ZBTB37: variants seen among roughly 807,000 people sequenced by gnomAD.
ZBTB37 encodes zinc finger and BTB domain containing 37, also known as zinc finger and BTB domain-containing protein 37.
In ZBTB37, 15 loss-of-function variants were observed where a neutral mutation model predicts 37.7. That is an observed-to-expected ratio of 0.40 (90% CI 0.27 to 0.61). The LOEUF (loss-of-function observed/expected upper bound fraction) is 0.61, where lower values mean the gene tolerates loss of function less well. Among genes scored for constraint, ZBTB37 ranks in the 20% least tolerant of loss-of-function variants. The probability of loss-of-function intolerance (pLI) is 0.44; values close to 1 mark genes in which losing one functional copy is unlikely to be tolerated. For missense variants in ZBTB37, 514 were observed against 641.9 expected (o/e 0.80, Z 2.15); for synonymous variants, 231 against 220.6 (o/e 1.05, Z -0.42).
At chr1:173,900,796 T>G (rs1196135350) in exon 4 of ZBTB37, 1 of 152,230 alleles carries the variant, frequency 6.6e-6, no homozygotes, top group Non-Finnish European at 1.5e-5. Context: ...TCCTATGCCT[T>G]AGAAAATTTG....
At chr1:173,886,215 T>C in exon 5 of ZBTB37, 2 of 1,458,996 alleles carry the variant, frequency 1.4e-6, no homozygotes, top group Non-Finnish European at 1.8e-6. Flanking sequence ...ATTCACAAAA[T>C]GCCACATCAC....
chr1:173,883,897 C>T (rs995571581), intron 4 of ZBTB37, among the ~76,000 whole-genome samples: 14 of 152,188 alleles, frequency 9.2e-5, no homozygotes, highest in South Asian at 6.2e-4. Flanking sequence ...GAAAAAGTAC[C>T]GGCACAATAT....
chr1:173,869,817 CAGAGA>C (rs1349493761), intron 2 of ZBTB37, among the ~76,000 whole-genome samples: 1 of 152,184 alleles, frequency 6.6e-6, no homozygotes, highest in Admixed American at 6.5e-5. Flanking sequence ...TTTCCTCCTC[CAGAGA>C]AAAGTTGTAA....
chr1:173,878,126 C>T (rs1656087057), intron 4 of ZBTB37, among the ~76,000 whole-genome samples: 1 of 152,216 alleles, frequency 6.6e-6, no homozygotes, highest in South Asian at 2.1e-4. Context: ...CATTTCTTTT[C>T]AGGTGTCTGG....
intron 4 of ZBTB37, among the ~76,000 whole-genome samples, chr1:173,875,832 T>C (rs561674412): frequency 6.6e-6 from 1 of 151,976 alleles, no homozygotes; most frequent in Admixed American, 6.5e-5. Context: ...TTTTTTTGTG[T>C]GTTTTTAGTG....
chr1:173,870,144 C>G (rs1477221397), intron 2 of ZBTB37, 56 bp from the exon 3 acceptor site: 3 of 1,229,486 alleles, frequency 2.4e-6, no homozygotes, highest in Non-Finnish European at 3.3e-6. Context: ...AAATGGAAAC[C>G]ATCCGGGAAG....
chr1:173,893,748 T>C (rs562132918), exon 4 of ZBTB37: 4 of 152,352 alleles, frequency 2.6e-5, no homozygotes, highest in South Asian at 2.1e-4. Flanking sequence ...CTAATCCTTA[T>C]GACAATCCCA....
intron 4 of ZBTB37, among the ~76,000 whole-genome samples, chr1:173,882,675 T>C (rs538485075): frequency 1.6e-4 from 24 of 152,324 alleles, no homozygotes; most frequent in African/African-American, 5.8e-4. Flanking sequence ...CTGAATGGTA[T>C]TGCCTAGGTT....
At chr1:173,886,091 C>G in exon 5 of ZBTB37, 6 of 1,551,512 alleles carry the variant, frequency 3.9e-6, no homozygotes, top group Non-Finnish European at 5.2e-6. Flanking sequence ...GGGAAGCTGT[C>G]CAGGGCTCTG....
intron 4 of ZBTB37, among the ~76,000 whole-genome samples, chr1:173,884,756 T>C (rs1263451084): frequency 2.0e-5 from 3 of 152,272 alleles, no homozygotes; most frequent in African/African-American, 7.2e-5. Context: ...CTATACTATC[T>C]GATATAGTAA....
intron 4 of ZBTB37, among the ~76,000 whole-genome samples, chr1:173,882,335 A>G (rs1212006721): frequency 2.2e-5 from 3 of 136,514 alleles, no homozygotes; most frequent in African/African-American, 5.6e-5. Context: ...TCTGCCTCCC[A>G]GGTTCACGCC....
chr1:173,889,852 A>T (rs1293707501), downstream of ZBTB37: 1 of 152,240 alleles, frequency 6.6e-6, no homozygotes, highest in Non-Finnish European at 1.5e-5. Flanking sequence ...GAGAGCAGTT[A>T]AGGAAAATTT....
exon 4 of ZBTB37, chr1:173,900,014 A>G (rs900125227): frequency 1.3e-5 from 2 of 152,246 alleles, no homozygotes; most frequent in African/African-American, 2.4e-5. Flanking sequence ...AGATTTCTCA[A>G]CTAGCTGAAA....
At chr1:173,896,250 T>G (rs1275106276) in exon 4 of ZBTB37, 1 of 152,226 alleles carries the variant, frequency 6.6e-6, no homozygotes, top group African/African-American at 2.4e-5. Context: ...CAGTTCATTC[T>G]TAACATGTTA....
intron 4 of ZBTB37, among the ~76,000 whole-genome samples, chr1:173,880,288 T>A (rs1038038682): frequency 2.6e-5 from 4 of 152,198 alleles, no homozygotes; most frequent in Non-Finnish European, 1.5e-5. Flanking sequence ...AGGGAGTTAT[T>A]TAGTTACTTG....
intron 4 of ZBTB37, among the ~76,000 whole-genome samples, chr1:173,883,892 A>G (rs1656472049): frequency 6.6e-6 from 1 of 152,188 alleles, no homozygotes; most frequent in Admixed American, 6.6e-5. Context: ...TAGGGGAAAA[A>G]GTACCGGCAC....
intron 4 of ZBTB37, among the ~76,000 whole-genome samples, chr1:173,880,869 T>A (rs1387005658): frequency 6.6e-6 from 1 of 152,224 alleles, no homozygotes; most frequent in East Asian, 1.9e-4. Context: ...TTATCACTGA[T>A]TACTAAAATG....
chr1:173,876,580 A>C (rs948900625), intron 4 of ZBTB37, among the ~76,000 whole-genome samples: 5 of 152,198 alleles, frequency 3.3e-5, no homozygotes, highest in Admixed American at 6.5e-5. Flanking sequence ...AGCCTCCCGA[A>C]GTGCTGGGAT....
At position 173,876,564 on chromosome 1, in the gene ZBTB37, C is replaced by T. The variant is rs181678178; in HGVS notation, c.1023+2998C>T. ...AACTCCTGACCTCAGGTAATCCAACCGCCTCAGCCTCCCGAAGTGCTGGGA... is the reference window on the plus strand; with the variant it reads ...AACTCCTGACCTCAGGTAATCCAACTGCCTCAGCCTCCCGAAGTGCTGGGA... On this transcript the variant is annotated intron_variant, in intron 4 of 4. Coordinates refer to ENST00000427304, the Ensembl canonical transcript of ZBTB37. Among the ~76,000 whole-genome samples, 443 of 152,136 alleles carry T rather than the reference C, an allele frequency of 2.9e-3. 2 individuals are homozygous for T. Among genetic ancestry groups the T allele is most frequent in the Non-Finnish European group, 4.4e-3 (300 of 67,980 alleles).
Sources: gnomAD v4.1 joint callset for allele counts (sites outside exome capture counted in the v4.1 genomes callset) on GRCh38, gnomAD v4.1.1 for gene constraint, MANE v1.5 for transcripts, NCBI Gene and HGNC (gene_info 2026-07-23, HGNC 2026-07-21) for gene names.